The following ERBB4 variants were observed in gnomAD, a reference collection of about 807,000 sequenced individuals.
The protein encoded by ERBB4 is receptor tyrosine-protein kinase erbB-4.
In ERBB4, 42 loss-of-function variants were observed where a neutral mutation model predicts 158.0. The observed-to-expected ratio is 0.27, with a 90% CI of 0.21 to 0.34. ERBB4 has a LOEUF of 0.34. Ranked by LOEUF, ERBB4 falls within the 10% of genes least tolerant of loss-of-function variation. The probability of loss-of-function intolerance (pLI) is 1.00; values close to 1 mark genes in which losing one functional copy is unlikely to be tolerated. For missense variants in ERBB4, 1,333 were observed against 1,624.1 expected (o/e 0.82, Z 3.08); for synonymous variants, 583 against 558.7 (o/e 1.04, Z -0.61).
At chr2:211,870,576 T>C (rs980807493) in intron 3 of ERBB4, among the ~76,000 whole-genome samples, 4 of 152,150 alleles carry the variant, frequency 2.6e-5, no homozygotes, top group African/African-American at 7.2e-5. Context: ...TATGTTCTAA[T>C]AGACCATAAA....
At chr2:212,083,821 A>C (rs551368526) in intron 2 of ERBB4, among the ~76,000 whole-genome samples, 32 of 151,938 alleles carry the variant, frequency 2.1e-4, no homozygotes, top group Admixed American at 7.2e-4. Context: ...GTTTAAACCA[A>C]ATTCTGATTT....
chr2:212,464,157 G>T (rs1201001597), intron 1 of ERBB4, among the ~76,000 whole-genome samples: 1 of 152,070 alleles, frequency 6.6e-6, no homozygotes, highest in Non-Finnish European at 1.5e-5. Flanking sequence ...AATCATCTTA[G>T]CTGGGAATGA....
chr2:212,130,761 TACTG>T (rs2080085751), intron 1 of ERBB4, among the ~76,000 whole-genome samples: 2 of 152,130 alleles, frequency 1.3e-5, no homozygotes, highest in Non-Finnish European at 1.5e-5. Context: ...AAAAAATAAT[TACTG>T]AGAAAAATTT....
intron 25 of ERBB4, among the ~76,000 whole-genome samples, chr2:211,392,297 C>G (rs1378548913): frequency 6.6e-6 from 1 of 151,976 alleles, no homozygotes; most frequent in East Asian, 1.9e-4. Context: ...GTTCAACATA[C>G]CAGTGTTTTG....
chr2:212,301,102 G>A (rs1368355294), intron 1 of ERBB4, among the ~76,000 whole-genome samples: 1 of 144,262 alleles, frequency 6.9e-6, no homozygotes, highest in African/African-American at 2.5e-5. Context: ...ATTATTGTTA[G>A]ATGGTTTGCA....
intron 2 of ERBB4, among the ~76,000 whole-genome samples, chr2:212,072,375 G>A (rs2078147684): frequency 6.6e-6 from 1 of 151,952 alleles, no homozygotes; most frequent in South Asian, 2.1e-4. Flanking sequence ...GTAGAATGAT[G>A]ATAGTTTTCC....
chr2:212,359,577 G>T (rs1415499622), intron 1 of ERBB4, among the ~76,000 whole-genome samples: 2 of 151,672 alleles, frequency 1.3e-5, no homozygotes, highest in Non-Finnish European at 3.0e-5. Context: ...CAGAGACAAG[G>T]CGCTTAAGAG....
intron 1 of ERBB4, among the ~76,000 whole-genome samples, chr2:212,261,710 A>G (rs1008196254): frequency 6.6e-6 from 1 of 152,142 alleles, no homozygotes; most frequent in Non-Finnish European, 1.5e-5. Flanking sequence ...GGGTAATAAT[A>G]TAAAGGATAT....
At chr2:211,980,834 T>C (rs1398257575) in intron 2 of ERBB4, among the ~76,000 whole-genome samples, 1 of 152,152 alleles carries the variant, frequency 6.6e-6, no homozygotes. Context: ...TAATTAAATA[T>C]AGTATAAGGA....
intron 2 of ERBB4, among the ~76,000 whole-genome samples, chr2:211,994,598 G>A (rs1231816779): frequency 1.3e-5 from 2 of 151,924 alleles, no homozygotes; most frequent in African/African-American, 4.8e-5. Flanking sequence ...ATAGTGTAAA[G>A]CATACATTTA....
intron 3 of ERBB4, among the ~76,000 whole-genome samples, chr2:211,861,168 G>GT (rs1209589170): frequency 0.027 from 504 of 18,686 alleles, 62 homozygotes; most frequent in African/African-American, 0.067. Flanking sequence ...AAAAAAAGTA[G>GT]TTTTTTTTTT....
intron 3 of ERBB4, among the ~76,000 whole-genome samples, chr2:211,835,807 C>T (rs1320777241): frequency 6.6e-6 from 1 of 151,854 alleles, no homozygotes; most frequent in East Asian, 1.9e-4. Context: ...AATGAGAATA[C>T]AAGCAAATAT....
At chr2:211,484,963 G>T (rs912910100) in intron 20 of ERBB4, among the ~76,000 whole-genome samples, 1 of 152,172 alleles carries the variant, frequency 6.6e-6, no homozygotes, top group African/African-American at 2.4e-5. Flanking sequence ...TAAAATCAGA[G>T]TTCTCACATA....
chr2:212,054,507 T>A (rs2077493880), intron 2 of ERBB4, among the ~76,000 whole-genome samples: 1 of 151,180 alleles, frequency 6.6e-6, no homozygotes, highest in Non-Finnish European at 1.5e-5. Flanking sequence ...TAGAAAAGAG[T>A]TTCTACTGGA....
At chr2:212,478,329 CT>C (rs957251163) in intron 1 of ERBB4, among the ~76,000 whole-genome samples, 19 of 152,178 alleles carry the variant, frequency 1.2e-4, no homozygotes, top group African/African-American at 4.6e-4. Flanking sequence ...CAAGGACAGC[CT>C]TTCCCAGGCC....
At chr2:211,706,613 A>AC (rs1202965352) in intron 9 of ERBB4, among the ~76,000 whole-genome samples, 2 of 151,832 alleles carry the variant, frequency 1.3e-5, no homozygotes, top group African/African-American at 2.4e-5. Flanking sequence ...AAAAAAAAAA[A>AC]AACAAAAAAA....
chr2:212,083,000 A>C (rs911917504), intron 2 of ERBB4, among the ~76,000 whole-genome samples: 2 of 151,992 alleles, frequency 1.3e-5, no homozygotes, highest in African/African-American at 4.8e-5. Context: ...AAATGAAGGA[A>C]GCTAACTCTG....
chr2:212,186,115 C>G (rs182542762), intron 1 of ERBB4, among the ~76,000 whole-genome samples: 8 of 152,158 alleles, frequency 5.3e-5, no homozygotes, highest in African/African-American at 1.9e-4. Flanking sequence ...ATTTGTATCT[C>G]CCATATAGAT....
chr2:212,247,580 C>A (rs979746242), intron 1 of ERBB4, among the ~76,000 whole-genome samples: 1 of 152,106 alleles, frequency 6.6e-6, no homozygotes, highest in Non-Finnish European at 1.5e-5. Context: ...CTTCAACATA[C>A]ATTCAAAAAT....
Sources: gnomAD v4.1 joint callset for allele counts (sites outside exome capture counted in the v4.1 genomes callset) on GRCh38, gnomAD v4.1.1 for gene constraint, MANE v1.5 for transcripts, NCBI Gene and HGNC (gene_info 2026-07-23, HGNC 2026-07-21) for gene names.